RSF1: variants seen among roughly 807,000 people sequenced by gnomAD.
RSF1 encodes remodeling and spacing factor 1, also known as HBV pX-associated protein 8.
A neutral mutation model predicts 145.2 loss-of-function variants in RSF1; 13 were observed. The ratio of observed to expected loss-of-function variants is 0.09; its 90% confidence interval spans 0.06 to 0.14. The LOEUF (loss-of-function observed/expected upper bound fraction) is 0.14. Among genes scored for constraint, RSF1 ranks in the 10% least tolerant of loss-of-function variants. RSF1 has a pLI of 1.00. For synonymous variants in RSF1, 577 were observed against 592.6 expected, an observed-to-expected ratio of 0.97 and a Z score of 0.38; for missense variants, 1,517 against 1,718.2, an observed-to-expected ratio of 0.88 and a Z score of 2.07.
At chr11:77,675,366 C>A (rs1959674360) in intron 13 of RSF1, 110 bp from the exon 14 acceptor site, 7 of 748,106 alleles carry the variant, frequency 9.4e-6, no homozygotes, top group Non-Finnish European at 1.5e-5. Context: ...AAGTATAGTG[C>A]AACATATCTG....
rs1205777828 is a variant in RSF1, at chr11:77,662,645, T to C, written c.*4272A>G. 6.6e-6 allele frequency: 1 copy of C among 152,080 alleles called. No individual in the cohort carries two copies. The highest frequency in any genetic ancestry group is 2.4e-5 in the African/African-American group (1 of 41,426). 9.4% of individuals were successfully genotyped at this position (152,080 alleles called of 1,614,324 possible). On this transcript the variant is annotated 3_prime_UTR_variant, in exon 16 of 16. Transcript: ENST00000308488. Reference sequence around the variant, plus strand: ...TAGCAAAAGGCTTTGACCTTAAGGATTGGTATAAAAATGACACAAAAAAAT... The same window carrying C: ...TAGCAAAAGGCTTTGACCTTAAGGACTGGTATAAAAATGACACAAAAAAAT...
intron 4 of RSF1, among the ~76,000 whole-genome samples, chr11:77,729,835 T>A (rs1006297905): frequency 1.4e-5 from 2 of 140,030 alleles, no homozygotes; most frequent in Non-Finnish European, 3.0e-5. Context: ...AAATATATGA[T>A]TCCAGAGTTG....
chr11:77,853,800 G>A, the RSF1 span, among the ~76,000 whole-genome samples: 1 of 151,792 alleles, frequency 6.6e-6, no homozygotes, highest in Non-Finnish European at 1.5e-5. Flanking sequence ...AATTAGCTGG[G>A]CATGGTGGTG....
chr11:77,752,783 G>A (rs1410082064), intron 2 of RSF1, among the ~76,000 whole-genome samples: 1 of 152,106 alleles, frequency 6.6e-6, no homozygotes, highest in African/African-American at 2.4e-5. Flanking sequence ...TGCATTCCCA[G>A]GAGGTTAAAG....
rs1331379152 is a variant in RSF1 at position 77,667,480 on chromosome 11, A to T, written c.3763T>A (p.Ser1255Thr). Reference protein sequence around the residue: ...SSSESEESYLSKNSEDDELAK... With the variant: ...SSSESEESYLTKNSEDDELAK... Reference sequence around the variant, plus strand: ...AGCTCATCATCTTCAGAGTTCTTGGACAAATAGCTCTCTAGAATAAACAGC... The same window carrying T: ...AGCTCATCATCTTCAGAGTTCTTGGTCAAATAGCTCTCTAGAATAAACAGC... Residue 1255 changes from serine (S) to threonine (T), a missense_variant, in exon 16 of 16, where the codon TCC becomes ACC. Physicochemically the swap from Ser to Thr is moderately conservative, Grantham distance 58. This residue lies in a region of RSF1 where 240 missense variants were observed against 231.8 expected (regional missense o/e 1.04). Coordinates refer to ENST00000308488, the MANE Select transcript of RSF1 (RefSeq NM_016578.4). 1 of 1,609,512 alleles carries T rather than the reference A, an allele frequency of 6.2e-7. No homozygotes were observed. The highest frequency in any genetic ancestry group is 8.5e-7 in the Non-Finnish European group (1 of 1,179,220).
In RSF1 at chr11:77,700,851, T is replaced by C; in HGVS notation, c.2378A>G (p.Asp793Gly). The stretch of plus-strand genomic sequence containing the variant: ...CCCTCTTTTTTTATCAGCTTTCTGA[T>C]CTCTGATCTCAGCCACTTTTGCAGT... ...RPTAKVAEIR[D>G]QKADKKRGEG... Residue 793 changes from aspartate to glycine, a missense_variant, in exon 6 of 16, where the codon GAT becomes GGT. Physicochemically the swap from Asp to Gly is moderately conservative, Grantham distance 94. Coordinates refer to ENST00000308488, the MANE Select transcript of RSF1 (RefSeq NM_016578.4). 2 of 1,613,762 alleles carry C rather than the reference T, an allele frequency of 1.2e-6. No individual in the cohort carries two copies. Among genetic ancestry groups the C allele is most frequent in the Non-Finnish European group, 1.7e-6 (2 of 1,179,992 alleles).
chr11:77,730,757 T>TAA (rs1961186912), intron 4 of RSF1, among the ~76,000 whole-genome samples: 2 of 152,220 alleles, frequency 1.3e-5, no homozygotes, highest in Non-Finnish European at 2.9e-5. Flanking sequence ...CTGATGGTTT[T>TAA]GAAAACAGGA....
chr11:77,784,890 C>G (rs1407171625), intron 1 of RSF1, among the ~76,000 whole-genome samples: 1 of 152,166 alleles, frequency 6.6e-6, no homozygotes, highest in Non-Finnish European at 1.5e-5. Flanking sequence ...GCATATACGA[C>G]CTAGTCTTCA....
At chr11:77,802,424 T>C (rs1056298085) in intron 1 of RSF1, among the ~76,000 whole-genome samples, 1 of 152,158 alleles carries the variant, frequency 6.6e-6, no homozygotes, top group Non-Finnish European at 1.5e-5. Flanking sequence ...ATACACCCAC[T>C]TGGTGTGTGC....
Position 77,701,844 on chromosome 11 carries a change from G to A in RSF1, c.1385C>T (p.Thr462Ile). 1 of 1,613,980 alleles carries A rather than the reference G, an allele frequency of 6.2e-7. No homozygotes were observed. Among genetic ancestry groups the A allele is most frequent in the Non-Finnish European group, 8.5e-7 (1 of 1,179,966 alleles). ...CTCTTCCTTTGTCTCATAAAACTTT[G>A]TCTCTATTGGTTCTGTCTTAAAATT... ...APNFKTEPIE[T>I]KFYETKEESY... Residue 462 changes from threonine to isoleucine, a missense_variant, in exon 6 of 16, where the codon ACA (threonine) becomes ATA (isoleucine). By Grantham distance (89) the Thr-to-Ile change is moderately conservative. Around this residue, in one of 12 missense-constraint regions of RSF1, gnomAD observed 579 missense variants for 553.5 expected, o/e 1.05. Transcript: ENST00000308488.
chr11:77,767,055 A>G (rs550804949), intron 1 of RSF1, among the ~76,000 whole-genome samples: 7 of 152,320 alleles, frequency 4.6e-5, no homozygotes, highest in African/African-American at 1.2e-4. Context: ...TGCCCCACCT[A>G]TATAAGGGGA....
the RSF1 span, among the ~76,000 whole-genome samples, chr11:77,843,640 T>G: frequency 6.6e-6 from 1 of 152,202 alleles, no homozygotes; most frequent in African/African-American, 2.4e-5. Context: ...TAAAAAAAAT[T>G]GTCATAGACT....
Position 77,665,574 on chromosome 11 carries a change from GCTTTT to G in RSF1, c.*1338_*1342del, listed in dbSNP as rs1217870394. On this transcript the variant is annotated 3_prime_UTR_variant, in exon 16 of 16. Transcript: ENST00000308488. Reference sequence around the variant, plus strand: ...AAACCCTTTTTTCTTGAAACAAAGGGCTTTTCTTTAAAGTGTTGAGATGTTTGAAA... The same window carrying G: ...AAACCCTTTTTTCTTGAAACAAAGGGCTTTAAAGTGTTGAGATGTTTGAAA... The G allele has an allele frequency of 6.6e-6, 1 of 152,132 alleles. No individual in the cohort carries two copies. The highest frequency in any genetic ancestry group is 1.5e-5 in the Non-Finnish European group (1 of 68,018). 9.4% of individuals were successfully genotyped at this position (152,132 alleles called of 1,614,324 possible).
At chr11:77,819,522 TTA>T (rs1443595966) in intron 1 of RSF1, among the ~76,000 whole-genome samples, 1 of 152,116 alleles carries the variant, frequency 6.6e-6, no homozygotes, top group African/African-American at 2.4e-5. Context: ...CGCGGTGGCC[TTA>T]TGTGGAAGGA....
chr11:77,800,419 G>A (rs1055220375), intron 1 of RSF1, among the ~76,000 whole-genome samples: 25 of 152,116 alleles, frequency 1.6e-4, no homozygotes, highest in African/African-American at 6.0e-4. Flanking sequence ...TTGAACCCGG[G>A]AGGCAGAGGT....
chr11:77,664,146 T>A lies in RSF1; in HGVS notation c.*2771A>T, dbSNP rs1025308122. 6.6e-6 allele frequency: 1 copy of A among 152,204 alleles called. No homozygotes were observed. The highest frequency in any genetic ancestry group is 1.5e-5 in the Non-Finnish European group (1 of 68,026). 9.4% of individuals were successfully genotyped at this position (152,204 alleles called of 1,614,324 possible). On this transcript the variant is annotated 3_prime_UTR_variant, in exon 16 of 16. Coordinates refer to ENST00000308488, the MANE Select transcript of RSF1 (RefSeq NM_016578.4). ...ATACCTTCAGAGTGTATTTCAGTGA[T>A]CATAAACTCTTTGAGGGACTGAATC... is the stretch of plus-strand genomic sequence containing the variant.
chr11:77,768,748 G>C (rs1466984954), intron 1 of RSF1, among the ~76,000 whole-genome samples: 1 of 152,116 alleles, frequency 6.6e-6, no homozygotes. Flanking sequence ...AGTATAATCT[G>C]TCAACTGATA....
intron 1 of RSF1, among the ~76,000 whole-genome samples, chr11:77,788,393 TTGAG>T (rs1948482082): frequency 6.7e-6 from 1 of 148,410 alleles, no homozygotes; most frequent in Non-Finnish European, 1.5e-5. Context: ...TGAAAACATG[TTGAG>T]TGAGATAAGG....
intron 2 of RSF1, among the ~76,000 whole-genome samples, chr11:77,760,188 C>T (rs910776794): frequency 6.6e-6 from 1 of 152,100 alleles, no homozygotes; most frequent in Non-Finnish European, 1.5e-5. Flanking sequence ...AAATGTCCAT[C>T]AACTGATGAT....
Sources: allele counts gnomAD v4.1 joint callset (sites outside exome capture counted in the v4.1 genomes callset), GRCh38; gene constraint gnomAD v4.1.1; regional missense constraint gnomAD v4.1.1; transcripts MANE v1.5; gene names NCBI Gene and HGNC (gene_info 2026-07-23, HGNC 2026-07-21).